Variants in HEATR5A observed in about 807,000 individuals in gnomAD.
HEATR5A encodes the protein HEAT repeat containing 5A, also known as HEAT repeat-containing protein 5A.
HEATR5A carries 178 observed loss-of-function variants against 218.8 expected under a neutral mutation model. The observed-to-expected ratio is 0.81, with a 90% CI of 0.72 to 0.92. The LOEUF is 0.92. HEATR5A is among the 40% of genes least tolerant of loss of function. The pLI is 0.00. For missense variants in HEATR5A, 2,420 were observed against 2,418.9 expected, an observed-to-expected ratio of 1.00 and a Z score of -0.01; for synonymous variants, 864 against 871.6, an observed-to-expected ratio of 0.99 and a Z score of 0.15.
chr14:31,313,879 T>C (rs1193107723), intron 27 of HEATR5A, among the ~76,000 whole-genome samples: 1 of 152,238 alleles, frequency 6.6e-6, no homozygotes, highest in African/African-American at 2.4e-5. Flanking sequence ...TTTATCTTTA[T>C]TGAAGAAATA....
In HEATR5A at chr14:31,313,106, C is replaced by A; in HGVS notation, c.4303G>T (p.Gly1435Ter). The change falls in exon 28 of 36, where the codon GGA becomes TGA. Residue 1435 changes from glycine to a stop codon, truncating the protein, a stop_gained. Coordinates refer to ENST00000543095, the MANE Select transcript of HEATR5A (RefSeq NM_015473.4). LOFTEE classifies it high-confidence loss of function. ...AGCAGTCCATCTGATGAACATGATC[C>A]ATTTCTGATACCGTCTTCTAAACAG... ...TTCLEDGIRN[G>*]SCSSDGLLDL... 1 of 1,613,856 alleles carries A rather than the reference C, an allele frequency of 6.2e-7. No individual in the cohort carries two copies. Among genetic ancestry groups the A allele is most frequent in the South Asian group, 1.1e-5 (1 of 91,082 alleles).
intron 22 of HEATR5A, among the ~76,000 whole-genome samples, chr14:31,337,100 G>C (rs577823806): frequency 1.3e-5 from 2 of 152,336 alleles, no homozygotes; most frequent in Non-Finnish European, 2.9e-5. Context: ...TGTATGTGCA[G>C]TCTGTTGTTG....
At chr14:31,392,582 T>G (rs181986987) in intron 6 of HEATR5A, among the ~76,000 whole-genome samples, 21 of 152,354 alleles carry the variant, frequency 1.4e-4, no homozygotes, top group Admixed American at 3.9e-4. Flanking sequence ...AATATATTTA[T>G]TCCTAAAATT....
At position 31,293,926 on chromosome 14, in the gene HEATR5A, A is replaced by G. The variant is rs1157920818; in HGVS notation, c.5798T>C (p.Leu1933Ser). The G allele has an allele frequency of 2.5e-6, 4 of 1,606,578 alleles. 1 individual carries two copies. The highest frequency in any genetic ancestry group is 2.6e-6 in the Non-Finnish European group (3 of 1,176,192). Residue 1933 changes from leucine (L) to serine (S), a missense_variant, in exon 35 of 36, where the codon TTA becomes TCA. By Grantham distance (145) the Leu-to-Ser change is moderately radical. Transcript: ENST00000543095. ...TTCAGCAACAGTAACCAGTGTTTCTAAGACCTTTATGCCTTCTTGGAAGAT... is the reference window on the plus strand; with the variant it reads ...TTCAGCAACAGTAACCAGTGTTTCTGAGACCTTTATGCCTTCTTGGAAGAT... Reference protein sequence around the residue: ...LEIFQEGIKVLETLVTVAEEH... With the variant: ...LEIFQEGIKVSETLVTVAEEH...
In HEATR5A at chr14:31,309,930, T is replaced by A. The variant is rs572776129; in HGVS notation, c.4442-748A>T. On this transcript the variant is annotated intron_variant, in intron 28 of 35. Transcript: ENST00000543095. ...GTTGCCCAGGTTGGTCTTGAACTTC[T>A]GGGCTCAGGCAATCTGCCCACTTCA... Among the ~76,000 whole-genome samples, 105 of 152,258 alleles carry A rather than the reference T, an allele frequency of 6.9e-4. 1 individual carries two copies. Among genetic ancestry groups the A allele is most frequent in the African/African-American group, 2.4e-3 (100 of 41,548 alleles).
At chr14:31,401,164 G>T (rs1303745314) in intron 2 of HEATR5A, among the ~76,000 whole-genome samples, 2 of 152,070 alleles carry the variant, frequency 1.3e-5, no homozygotes, top group Non-Finnish European at 2.9e-5. Context: ...AATGTGAAAT[G>T]GTTTGGCTCT....
In HEATR5A at chr14:31,382,890, C is replaced by A. The variant is rs115657603; in HGVS notation, c.1596+631G>T. 8.8e-3 allele frequency among the ~76,000 whole-genome samples: 1,336 copies of A among 151,258 alleles called. 13 individuals are homozygous for A. The highest frequency in any genetic ancestry group is 0.025 in the African/African-American group (1,026 of 41,154). On this transcript the variant is annotated intron_variant, in intron 10 of 35. Coordinates refer to ENST00000543095, the MANE Select transcript of HEATR5A (RefSeq NM_015473.4). ...CTCTTTTTAAAATGAACATAGTATTCCTTGATGACTTCCTTACTTTCTGGC... is the reference window on the plus strand; with the variant it reads ...CTCTTTTTAAAATGAACATAGTATTACTTGATGACTTCCTTACTTTCTGGC...
chr14:31,386,288 T>C (rs1274944978), intron 9 of HEATR5A, 132 bp downstream of exon 9: 4 of 660,048 alleles, frequency 6.1e-6, no homozygotes, highest in Non-Finnish European at 9.6e-6. Flanking sequence ...ATAATCCTGA[T>C]TATAAATTTT....
chr14:31,344,601 T>C (rs995058890), intron 20 of HEATR5A, among the ~76,000 whole-genome samples: 5 of 151,960 alleles, frequency 3.3e-5, no homozygotes, highest in African/African-American at 7.3e-5. Flanking sequence ...TTATTCTTAA[T>C]CTGAAAAGTT....
chr14:31,293,720 G>T, intron 35 of HEATR5A, 108 bp from the exon 36 acceptor site: 1 of 1,156,324 alleles, frequency 8.6e-7, no homozygotes, highest in Middle Eastern at 2.1e-4. Context: ...AAAACAATTC[G>T]TCCAATCTCT....
chr14:31,301,073 T>C (rs1273208454), intron 33 of HEATR5A, among the ~76,000 whole-genome samples: 1 of 152,206 alleles, frequency 6.6e-6, no homozygotes, highest in African/African-American at 2.4e-5. Flanking sequence ...GGTCAATAAA[T>C]GCTGACTGCA....
intron 14 of HEATR5A, among the ~76,000 whole-genome samples, chr14:31,359,757 T>C (rs1451571843): frequency 1.4e-5 from 2 of 139,768 alleles, no homozygotes; most frequent in African/African-American, 5.5e-5. Flanking sequence ...AAAAAAAGAA[T>C]TATCCTGAGA....
chr14:31,393,658 A>AT (rs11364724), intron 6 of HEATR5A, among the ~76,000 whole-genome samples: 2 of 149,976 alleles, frequency 1.3e-5, no homozygotes, highest in African/African-American at 4.9e-5. Flanking sequence ...ATTGAAATTG[A>AT]TTTTTTTTTT....
rs1440300000 is a variant in HEATR5A, at chr14:31,386,461, A to G, written c.1304T>C (p.Leu435Pro). The part of the protein sequence containing the change: ...LQELGNLIHN[L>P]GTTAAPLLQD... ...TAGCAAAGGTGCCGCTGTGGTGCCAAGATTGTGTATGAGATTTCCAAGTTC... is the reference window on the plus strand; with the variant it reads ...TAGCAAAGGTGCCGCTGTGGTGCCAGGATTGTGTATGAGATTTCCAAGTTC... Residue 435 changes from leucine (L) to proline (P), a missense_variant, in exon 9 of 36, where the codon CTT (leucine) becomes CCT (proline). Leu to Pro is a moderately conservative substitution (Grantham distance 98, BLOSUM62 -3). Transcript: ENST00000543095. 6.2e-7 allele frequency: 1 copy of G among 1,613,768 alleles called. No individual in the cohort carries two copies. The highest frequency in any genetic ancestry group is 8.5e-7 in the Non-Finnish European group (1 of 1,179,834).
intron 14 of HEATR5A, among the ~76,000 whole-genome samples, chr14:31,361,322 TA>T (rs1901608841): frequency 6.6e-6 from 1 of 152,146 alleles, no homozygotes; most frequent in South Asian, 2.1e-4. Context: ...TCATAAAAGA[TA>T]AAAACAAAAG....
At chr14:31,383,452 C>T in intron 10 of HEATR5A, 69 bp downstream of exon 10, 1 of 1,424,858 alleles carries the variant, frequency 7.0e-7, no homozygotes. Context: ...GTAACAAATT[C>T]TGTTACTATG....
intron 13 of HEATR5A, among the ~76,000 whole-genome samples, chr14:31,369,557 G>A (rs1208851972): frequency 2.2e-5 from 3 of 137,848 alleles, no homozygotes; most frequent in Non-Finnish European, 4.6e-5. Context: ...ATTGCAGTGA[G>A]TGGAGATCAC....
chr14:31,296,842 T>G (rs1162242719), intron 33 of HEATR5A: 1 of 152,218 alleles, frequency 6.6e-6, no homozygotes, highest in South Asian at 2.1e-4. Context: ...AAATGACATA[T>G]GTAGTAGTTT....
intron 1 of HEATR5A, among the ~76,000 whole-genome samples, chr14:31,404,235 G>T (rs1182976228): frequency 1.3e-5 from 2 of 152,152 alleles, no homozygotes; most frequent in African/African-American, 4.8e-5. Flanking sequence ...ATTCACTAGT[G>T]TACCTAAATA....
Sources: allele counts gnomAD v4.1 joint callset (sites outside exome capture counted in the v4.1 genomes callset), GRCh38; gene constraint gnomAD v4.1.1; transcripts MANE v1.5; gene names NCBI Gene and HGNC (gene_info 2026-07-23, HGNC 2026-07-21).